The following KIF5C variants were observed in gnomAD, a reference collection of about 807,000 sequenced individuals.
The protein encoded by KIF5C is kinesin heavy chain isoform 5C.
KIF5C carries 18 observed loss-of-function variants against 125.2 expected under a neutral mutation model. The ratio of observed to expected loss-of-function variants is 0.14; its 90% CI spans 0.10 to 0.21. The LOEUF is 0.21. KIF5C is among the 10% of genes least tolerant of loss of function. The probability of loss-of-function intolerance (pLI) is 1.00; values close to 1 mark genes in which losing one functional copy is unlikely to be tolerated. For missense variants in KIF5C, 780 were observed against 1,183.8 expected, an observed-to-expected ratio of 0.66 and a Z score of 5.01; for synonymous variants, 405 against 434.0, an observed-to-expected ratio of 0.93 and a Z score of 0.83.
chr2:148,965,435 C>G (rs1334425062), intron 11 of KIF5C, among the ~76,000 whole-genome samples: 2 of 152,130 alleles, frequency 1.3e-5, no homozygotes, highest in African/African-American at 4.8e-5. Context: ...TCCTCCCCAG[C>G]TAACATTTGT....
intron 1 of KIF5C, among the ~76,000 whole-genome samples, chr2:148,907,923 G>A (rs1054842887): frequency 5.9e-5 from 9 of 152,336 alleles, no homozygotes; most frequent in African/African-American, 2.2e-4. Context: ...AGTCATTGGG[G>A]TCATCTGGAG....
chr2:148,995,684 A>C (rs897738714), intron 17 of KIF5C, among the ~76,000 whole-genome samples: 1 of 152,238 alleles, frequency 6.6e-6, no homozygotes, highest in African/African-American at 2.4e-5. Flanking sequence ...AGAATTTTAG[A>C]TCAGCAAAAA....
chr2:148,998,715 G>A, intron 19 of KIF5C: 1 of 821,322 alleles, frequency 1.2e-6, no homozygotes, highest in Non-Finnish European at 1.8e-6. Context: ...GGCATGGCAG[G>A]TGGCAGGCGG....
chr2:148,934,454 ACACACACACAGACACAC>A (rs1448756858), intron 3 of KIF5C, among the ~76,000 whole-genome samples: 1 of 151,062 alleles, frequency 6.6e-6, no homozygotes, highest in African/African-American at 2.4e-5. Flanking sequence ...CCCCCTACAT[ACACACACACAGACACAC>A]CACACACACA....
chr2:148,961,299 G>T (rs114934597), intron 10 of KIF5C, among the ~76,000 whole-genome samples: 3 of 152,290 alleles, frequency 2.0e-5, no homozygotes, highest in Admixed American at 6.5e-5. Flanking sequence ...GCTGTGATGG[G>T]GGGGGCGGGT....
chr2:148,964,961 A>G (rs543350563), intron 11 of KIF5C, among the ~76,000 whole-genome samples: 12 of 152,232 alleles, frequency 7.9e-5, no homozygotes, highest in African/African-American at 2.6e-4. Context: ...GTGACAGGGT[A>G]GTAGGAAGGG....
In KIF5C at chr2:149,024,978, T is replaced by G. The variant is rs927540318; in HGVS notation, c.*1908T>G. 3 of 152,196 alleles carry G rather than the reference T, an allele frequency of 2.0e-5. No homozygotes were observed. The highest frequency in any genetic ancestry group is 7.2e-5 in the African/African-American group (3 of 41,436). 9.4% of individuals were successfully genotyped at this position (152,196 alleles called of 1,614,324 possible). On this transcript the variant is annotated 3_prime_UTR_variant, in exon 26 of 26. Transcript: ENST00000435030. The stretch of plus-strand genomic sequence containing the variant: ...GGTGTTTGAGAGGATTGCCAATTAT[T>G]AATTGTCATTACCACTACTCTCCAT...
At chr2:148,978,673 C>T (rs1211878769) in intron 12 of KIF5C, among the ~76,000 whole-genome samples, 1 of 152,116 alleles carries the variant, frequency 6.6e-6, no homozygotes, top group Non-Finnish European at 1.5e-5. Flanking sequence ...TCTCAATGAG[C>T]AGGAATTGGG....
At chr2:148,905,722 A>G (rs1489393038) in intron 1 of KIF5C, among the ~76,000 whole-genome samples, 1 of 152,062 alleles carries the variant, frequency 6.6e-6, no homozygotes, top group African/African-American at 2.4e-5. Flanking sequence ...GAGTGGGAGG[A>G]TGGTATATTA....
In KIF5C at chr2:149,000,711, T is replaced by G. The variant is rs369657663; in HGVS notation, c.2313-11T>G. On this transcript the variant is annotated splice_polypyrimidine_tract_variant and intron_variant, in intron 20 of 25. Transcript: ENST00000435030. ...CCCTGTGGTGGTCTATGGTTCCTTT[T>G]TGTTTTTCAGATTGCTCAACGATAA... The G allele has an allele frequency of 6.2e-7, 1 of 1,613,630 alleles. No homozygotes were observed. The highest frequency in any genetic ancestry group is 8.5e-7 in the Non-Finnish European group (1 of 1,179,828).
chr2:148,938,071 A>G (rs111907256), intron 4 of KIF5C, among the ~76,000 whole-genome samples: 23 of 152,210 alleles, frequency 1.5e-4, no homozygotes, highest in Non-Finnish European at 2.9e-4. Flanking sequence ...AGAGATTTCT[A>G]CTCTCTTACT....
rs1028535727 is a variant in KIF5C at position 148,876,009 on chromosome 2, C to A, written c.126+266C>A. Among the ~76,000 whole-genome samples the A allele has an allele frequency of 3.9e-5, 6 of 151,940 alleles. No individual in the cohort carries two copies. The highest frequency in any genetic ancestry group is 8.8e-5 in the Non-Finnish European group (6 of 67,962). ...AGACGGGCTCGGCGCCGCCATTGTTCGCCGGGTGGGGGCCCGGGTGGGCCC... is the reference window on the plus strand; with the variant it reads ...AGACGGGCTCGGCGCCGCCATTGTTAGCCGGGTGGGGGCCCGGGTGGGCCC... On this transcript the variant is annotated intron_variant, in intron 1 of 25. Coordinates refer to ENST00000435030, the MANE Select transcript of KIF5C (RefSeq NM_004522.3). This position sits in a 1 kb window ranked among gnomAD's most constrained non-coding sequence, Gnocchi z 4.7.
intron 1 of KIF5C, chr2:148,886,181 T>C (rs191703454): frequency 1.8e-4 from 27 of 152,406 alleles, no homozygotes; most frequent in African/African-American, 6.5e-4. Context: ...CTGGTCAGTA[T>C]CCAAACCTCT....
intron 6 of KIF5C, among the ~76,000 whole-genome samples, chr2:148,942,379 T>A (rs1262925746): frequency 2.0e-5 from 3 of 152,234 alleles, no homozygotes; most frequent in Non-Finnish European, 4.4e-5. Flanking sequence ...GATTTTCTTC[T>A]TTGATTTTCT....
At chr2:148,992,956 G>GA (rs1341587403) in intron 16 of KIF5C, among the ~76,000 whole-genome samples, 2 of 152,198 alleles carry the variant, frequency 1.3e-5, no homozygotes, top group Non-Finnish European at 2.9e-5. Flanking sequence ...CCCATGGCCT[G>GA]CAGCCCACCC....
chr2:148,911,897 G>T lies in KIF5C; in HGVS notation c.127-10240G>T, dbSNP rs576514390. ...ATCCTAGGCTAGTTGTGAAGGAAAT[G>T]ACATTTGCCTGTGGTGCCATCTCCC... On this transcript the variant is annotated intron_variant, in intron 1 of 25. Transcript: ENST00000435030. Among the ~76,000 whole-genome samples the T allele has an allele frequency of 2.6e-5, 4 of 152,272 alleles. No homozygotes were observed. The South Asian group carries it at 8.3e-4, about 32-fold the overall frequency.
In KIF5C at chr2:149,023,876, G is replaced by A. The variant is rs1489594803; in HGVS notation, c.*806G>A. Reference sequence around the variant, plus strand: ...TGCAAAGTTGGATAAGTGGAAATGTGGCTGCCCCTCTCCTCACTACTTCCT... The same window carrying A: ...TGCAAAGTTGGATAAGTGGAAATGTAGCTGCCCCTCTCCTCACTACTTCCT... On this transcript the variant is annotated 3_prime_UTR_variant, in exon 26 of 26. Coordinates refer to ENST00000435030, the MANE Select transcript of KIF5C (RefSeq NM_004522.3). The A allele has an allele frequency of 6.6e-6, 1 of 152,288 alleles. No individual in the cohort carries two copies. The highest frequency in any genetic ancestry group is 1.9e-4 in the East Asian group (1 of 5,188). The allele number at this position is 152,288 out of a possible 1,614,324, so 9.4% of individuals were successfully genotyped here.
chr2:148,915,838 G>A (rs990491571), intron 1 of KIF5C, among the ~76,000 whole-genome samples: 16 of 152,318 alleles, frequency 1.1e-4, no homozygotes, highest in Non-Finnish European at 2.4e-4. Context: ...TCCCACTAGG[G>A]GTAATGGGAG....
At chr2:148,940,277 C>T (rs964494358) in intron 4 of KIF5C, among the ~76,000 whole-genome samples, 12 of 152,094 alleles carry the variant, frequency 7.9e-5, no homozygotes, top group South Asian at 6.2e-4. Flanking sequence ...AAGCTGTAGG[C>T]GTGAGTCTTT....
Sources: gnomAD v4.1 joint callset for allele counts (sites outside exome capture counted in the v4.1 genomes callset) on GRCh38, gnomAD v4.1.1 for gene constraint, Gnocchi (gnomAD v3.1) non-coding constraint, MANE v1.5 for transcripts, NCBI Gene and HGNC (gene_info 2026-07-23, HGNC 2026-07-21) for gene names.